KCND3: variants seen among roughly 807,000 people sequenced by gnomAD.
KCND3 encodes the protein potassium voltage-gated channel subfamily D member 3.
KCND3 carries 9 observed loss-of-function variants against 51.1 expected under a neutral mutation model. That is an observed-to-expected ratio of 0.18 (90% CI 0.11 to 0.31). The LOEUF (loss-of-function observed/expected upper bound fraction) is 0.31. Ranked by LOEUF, KCND3 falls within the 10% of genes least tolerant of loss-of-function variation. KCND3 has a pLI of 1.00. For missense variants in KCND3, 526 were observed against 903.8 expected (o/e 0.58, Z 5.36); for synonymous variants, 349 against 368.0 (o/e 0.95, Z 0.59).
intron 2 of KCND3, among the ~76,000 whole-genome samples, chr1:111,908,283 T>C (rs1670746839): frequency 6.6e-6 from 1 of 152,218 alleles, no homozygotes; most frequent in Non-Finnish European, 1.5e-5. Context: ...ATAATTCCCA[T>C]TTACTAGTGA....
chr1:111,957,454 A>G (rs1314253736), intron 2 of KCND3, among the ~76,000 whole-genome samples: 2 of 152,228 alleles, frequency 1.3e-5, no homozygotes, highest in African/African-American at 4.8e-5. Context: ...CTGGGAATGC[A>G]GCTTAACCTC....
intron 2 of KCND3, among the ~76,000 whole-genome samples, chr1:111,947,811 T>C (rs748837481): frequency 7.2e-5 from 11 of 152,246 alleles, no homozygotes; most frequent in Non-Finnish European, 1.6e-4. Flanking sequence ...CAGAGGGACC[T>C]GTGAAATCCT....
chr1:111,851,609 T>C (rs1383109547), intron 2 of KCND3, among the ~76,000 whole-genome samples: 1 of 152,222 alleles, frequency 6.6e-6, no homozygotes, highest in Non-Finnish European at 1.5e-5. Context: ...TGCATTACAG[T>C]CTTTACCCCA....
chr1:111,820,430 A>T (rs1258080559), intron 2 of KCND3, among the ~76,000 whole-genome samples: 1 of 152,218 alleles, frequency 6.6e-6, no homozygotes, highest in Non-Finnish European at 1.5e-5. Context: ...AATTAATAAT[A>T]ATAGTTGTAA....
At chr1:111,854,982 C>CA (rs752218645) in intron 2 of KCND3, among the ~76,000 whole-genome samples, 10 of 152,148 alleles carry the variant, frequency 6.6e-5, no homozygotes, top group Non-Finnish European at 1.5e-4. Flanking sequence ...GGCATCCTGT[C>CA]ACAGAGTAAG....
At chr1:111,808,384 T>C (rs1571671058) in intron 2 of KCND3, among the ~76,000 whole-genome samples, 1 of 152,224 alleles carries the variant, frequency 6.6e-6, no homozygotes, top group Non-Finnish European at 1.5e-5. Context: ...ATGCGAGAGT[T>C]AAAGCCTCCC....
chr1:111,797,221 C>T (rs1170751341), intron 2 of KCND3, among the ~76,000 whole-genome samples: 3 of 152,216 alleles, frequency 2.0e-5, no homozygotes, highest in African/African-American at 7.2e-5. Flanking sequence ...AAATCATCCT[C>T]TTTCCATAGG....
At chr1:111,817,104 C>A (rs968401222) in intron 2 of KCND3, among the ~76,000 whole-genome samples, 1 of 151,258 alleles carries the variant, frequency 6.6e-6, no homozygotes, top group African/African-American at 2.4e-5. Flanking sequence ...TACACTGTAC[C>A]AAATATGCAG....
intron 2 of KCND3, among the ~76,000 whole-genome samples, chr1:111,853,231 G>A (rs933771657): frequency 3.9e-5 from 6 of 152,190 alleles, no homozygotes; most frequent in Non-Finnish European, 7.3e-5. Flanking sequence ...CACAACTTGA[G>A]GCAAGTCATT....
intron 3 of KCND3, among the ~76,000 whole-genome samples, chr1:111,781,546 G>T (rs975215992): frequency 6.6e-6 from 1 of 152,126 alleles, no homozygotes; most frequent in Non-Finnish European, 1.5e-5. Context: ...TTTTGAGACG[G>T]AGTCTCGCTG....
At position 111,807,633 on chromosome 1, in the gene KCND3, G is replaced by A. The variant is rs1035513354; in HGVS notation, c.1107-20527C>T. On this transcript the variant is annotated intron_variant, in intron 2 of 7. Coordinates refer to ENST00000302127, the MANE Select transcript of KCND3 (RefSeq NM_001378969.1). ...AGACGTTGCAGTGAGCCTAGACTGC[G>A]CCATTACATTCCAACCTGGGCGACA... is the stretch of plus-strand genomic sequence containing the variant. Among the ~76,000 whole-genome samples, 107 of 152,292 alleles carry A rather than the reference G, an allele frequency of 7.0e-4. 1 individual carries two copies. Among genetic ancestry groups the A allele is most frequent in the African/African-American group, 2.4e-3 (100 of 41,544 alleles).
rs115580289 is a variant in KCND3 at position 111,848,805 on chromosome 1, C to T, written c.1107-61699G>A. ...CTGACGTTGTAGGGCGTGGAGATGA[C>T]GTGAGGTGGGCACAGGCCAGAGTAG... On this transcript the variant is annotated intron_variant, in intron 2 of 7. Transcript: ENST00000302127. Among the ~76,000 whole-genome samples, 637 of 152,326 alleles carry T rather than the reference C, an allele frequency of 4.2e-3. 7 individuals are homozygous for T. The highest frequency in any genetic ancestry group is 0.014 in the African/African-American group (594 of 41,564).
At chr1:111,961,285 A>G (rs1174121336) in intron 2 of KCND3, among the ~76,000 whole-genome samples, 1 of 152,222 alleles carries the variant, frequency 6.6e-6, no homozygotes, top group African/African-American at 2.4e-5. Flanking sequence ...CTGTCACCCC[A>G]TCAGACCCGG....
intron 2 of KCND3, among the ~76,000 whole-genome samples, chr1:111,901,687 A>C (rs1307224305): frequency 2.0e-5 from 3 of 152,180 alleles, no homozygotes; most frequent in African/African-American, 7.2e-5. Context: ...CTTTTGATGA[A>C]GAGGCTTAGG....
At chr1:111,877,699 G>C (rs981989698) in intron 2 of KCND3, among the ~76,000 whole-genome samples, 1 of 152,222 alleles carries the variant, frequency 6.6e-6, no homozygotes, top group Non-Finnish European at 1.5e-5. Flanking sequence ...CTGGCCGCTG[G>C]TGGTTGGTTG....
intron 2 of KCND3, among the ~76,000 whole-genome samples, chr1:111,861,575 C>A (rs924914184): frequency 6.6e-6 from 1 of 152,012 alleles, no homozygotes; most frequent in South Asian, 2.1e-4. Flanking sequence ...CGGAGGGAAG[C>A]GGGTGGCAGG....
intron 2 of KCND3, among the ~76,000 whole-genome samples, chr1:111,920,763 A>G (rs1031635596): frequency 3.9e-5 from 6 of 152,156 alleles, no homozygotes; most frequent in African/African-American, 1.4e-4. Context: ...GTGTGCCCCA[A>G]CACTCCCAAG....
chr1:111,806,025 G>A (rs1165802881), intron 2 of KCND3, among the ~76,000 whole-genome samples: 1 of 152,184 alleles, frequency 6.6e-6, no homozygotes, highest in African/African-American at 2.4e-5. Flanking sequence ...GCCTTCCCCA[G>A]GGGCCTTTTC....
intron 2 of KCND3, among the ~76,000 whole-genome samples, chr1:111,904,465 GC>G (rs1670545212): frequency 6.6e-6 from 1 of 152,062 alleles, no homozygotes; most frequent in Non-Finnish European, 1.5e-5. Context: ...TTTACTTTTT[GC>G]CTGTGTTCTT....
Sources: allele counts gnomAD v4.1 joint callset (sites outside exome capture counted in the v4.1 genomes callset), GRCh38; gene constraint gnomAD v4.1.1; transcripts MANE v1.5; gene names NCBI Gene and HGNC (gene_info 2026-07-23, HGNC 2026-07-21).